DEPDC5: variants seen among roughly 807,000 people sequenced by gnomAD.
DEPDC5 encodes GATOR1 complex protein DEPDC5.
DEPDC5 carries 73 observed loss-of-function variants against 217.3 expected under a neutral mutation model. The observed-to-expected ratio is 0.34, with a 90% CI of 0.28 to 0.41. The LOEUF (loss-of-function observed/expected upper bound fraction) is 0.41. Ranked by LOEUF, DEPDC5 falls within the 10% of genes least tolerant of loss-of-function variation. The pLI, the probability that DEPDC5 is intolerant of heterozygous loss-of-function variation, is 1.00. For synonymous variants in DEPDC5, 733 were observed against 756.7 expected, an observed-to-expected ratio of 0.97 and a Z score of 0.51; for missense variants, 1,675 against 2,070.1, an observed-to-expected ratio of 0.81 and a Z score of 3.70.
intron 8 of DEPDC5, among the ~76,000 whole-genome samples, chr22:31,779,301 G>A (rs538146048): frequency 6.6e-6 from 1 of 152,136 alleles, no homozygotes; most frequent in Non-Finnish European, 1.5e-5. Context: ...ATGTTTGTGC[G>A]TGTGTGTATA....
chr22:31,844,341 C>T (rs1254571157), intron 29 of DEPDC5, among the ~76,000 whole-genome samples: 1 of 152,166 alleles, frequency 6.6e-6, no homozygotes, highest in South Asian at 2.1e-4. Context: ...CTACAGTGAG[C>T]CTTGATAGTG....
intron 18 of DEPDC5, among the ~76,000 whole-genome samples, chr22:31,809,364 T>C (rs949269943): frequency 4.6e-5 from 7 of 152,192 alleles, no homozygotes. Flanking sequence ...AAGTCCCTTA[T>C]TCTCTCTGCA....
chr22:31,866,898 A>G (rs2092704630), intron 33 of DEPDC5, among the ~76,000 whole-genome samples: 1 of 152,238 alleles, frequency 6.6e-6, no homozygotes, highest in African/African-American at 2.4e-5. Flanking sequence ...TGGCGACGAT[A>G]ATCTTCATCA....
chr22:31,894,621 G>C (rs1410011440), intron 39 of DEPDC5: 1 of 152,154 alleles, frequency 6.6e-6, no homozygotes, highest in Non-Finnish European at 1.5e-5. Context: ...GAGGCAGGCA[G>C]ATCACTCAAG....
intron 33 of DEPDC5, among the ~76,000 whole-genome samples, chr22:31,864,506 A>ATATATATATATATATATATT (rs2092621495): frequency 5.2e-5 from 7 of 135,350 alleles, no homozygotes; most frequent in African/African-American, 2.0e-4. Flanking sequence ...ATTAAAATAT[A>ATATATATATATATATATATT]TATATATATA....
intron 37 of DEPDC5, among the ~76,000 whole-genome samples, chr22:31,877,739 G>A (rs1442425947): frequency 9.6e-6 from 1 of 104,200 alleles, no homozygotes. Flanking sequence ...GACAGAGCGA[G>A]ACTCCATCTC....
intron 38 of DEPDC5, among the ~76,000 whole-genome samples, chr22:31,891,904 G>A (rs1432917140): frequency 1.3e-5 from 2 of 152,174 alleles, no homozygotes; most frequent in African/African-American, 2.4e-5. Context: ...TGATTGACAC[G>A]TCTCTGAAAC....
At chr22:31,829,242 A>G (rs1285217486) in intron 24 of DEPDC5, among the ~76,000 whole-genome samples, 1 of 152,186 alleles carries the variant, frequency 6.6e-6, no homozygotes, top group Non-Finnish European at 1.5e-5. Flanking sequence ...TCATTAAAAA[A>G]TCAGAGAAGA....
intron 15 of DEPDC5, 155 bp from the exon 16 acceptor site, chr22:31,804,007 A>G (rs938090412): frequency 3.1e-6 from 2 of 648,666 alleles, no homozygotes; most frequent in Non-Finnish European, 5.3e-6. Flanking sequence ...GAATGTATTT[A>G]CTTCTTTGTT....
chr22:31,872,118 T>A (rs1363852087), intron 34 of DEPDC5, among the ~76,000 whole-genome samples: 2 of 152,180 alleles, frequency 1.3e-5, no homozygotes, highest in South Asian at 2.1e-4. Flanking sequence ...AGCTTCTGGA[T>A]AAGCCCCACA....
rs542544782 is a variant in DEPDC5 at position 31,828,365 on chromosome 22, C to T, written c.2105-5550C>T. 2.2e-4 allele frequency among the ~76,000 whole-genome samples: 33 copies of T among 149,406 alleles called. No homozygotes were observed. The South Asian group carries it at 5.1e-3, about 23-fold the overall frequency. Reference sequence around the variant, plus strand: ...ACTTGGGAGGCTGAGGCAGGAGAATCGCTTTGAACCCGGGAGGCGGAGGTT... The same window carrying T: ...ACTTGGGAGGCTGAGGCAGGAGAATTGCTTTGAACCCGGGAGGCGGAGGTT... On this transcript the variant is annotated intron_variant, in intron 24 of 42. Coordinates refer to ENST00000651528, the MANE Select transcript of DEPDC5 (RefSeq NM_001242896.3).
intron 41 of DEPDC5, among the ~76,000 whole-genome samples, chr22:31,904,553 G>C (rs1452073302): frequency 6.6e-6 from 1 of 152,138 alleles, no homozygotes; most frequent in Non-Finnish European, 1.5e-5. Flanking sequence ...GACCAGCCTG[G>C]CCAAAATGGT....
At chr22:31,778,484 A>G (rs2084104709) in intron 8 of DEPDC5, among the ~76,000 whole-genome samples, 1 of 152,282 alleles carries the variant, frequency 6.6e-6, no homozygotes, top group Middle Eastern at 3.4e-3. Context: ...GCAAGACCCC[A>G]TCTCAAAAAC....
chr22:31,885,095 CT>C (rs929661858), intron 38 of DEPDC5, among the ~76,000 whole-genome samples: 1 of 152,186 alleles, frequency 6.6e-6, no homozygotes, highest in African/African-American at 2.4e-5. Context: ...TTATAAACTG[CT>C]TTGCACACAG....
Position 31,879,925 on chromosome 22 carries a change from G to A in DEPDC5, c.4033+173G>A, listed in dbSNP as rs916259652. 1.5e-5 allele frequency: 10 copies of A among 655,954 alleles called. No homozygotes were observed. The East Asian group carries it at 1.7e-4, about 11-fold the overall frequency. 40.6% of individuals were successfully genotyped at this position (655,954 alleles called of 1,614,324 possible). On this transcript the variant is annotated intron_variant, in intron 38 of 42. Coordinates refer to ENST00000651528, the MANE Select transcript of DEPDC5 (RefSeq NM_001242896.3). ...GCTCCGTTGCTGACTTCCACTTGCC[G>A]AGTGGTTTTATGACTGTCCCAACCA...
chr22:31,851,404 A>G (rs1336273449), intron 31 of DEPDC5, among the ~76,000 whole-genome samples: 1 of 152,170 alleles, frequency 6.6e-6, no homozygotes, highest in Non-Finnish European at 1.5e-5. Flanking sequence ...AGACTTGAGG[A>G]AGAGAAAACA....
At chr22:31,766,341 C>T (rs1483097637) in intron 5 of DEPDC5, among the ~76,000 whole-genome samples, 1 of 152,108 alleles carries the variant, frequency 6.6e-6, no homozygotes, top group Non-Finnish European at 1.5e-5. Context: ...CAGAATGAGT[C>T]CCCCACTACC....
chr22:31,855,854 T>G (rs1380842231), intron 31 of DEPDC5, among the ~76,000 whole-genome samples: 1 of 152,020 alleles, frequency 6.6e-6, no homozygotes, highest in Non-Finnish European at 1.5e-5. Flanking sequence ...GTGCAACAGG[T>G]TACTATGGAA....
chr22:31,824,723 G>A (rs1050341198), intron 24 of DEPDC5, among the ~76,000 whole-genome samples: 10 of 151,836 alleles, frequency 6.6e-5, no homozygotes, highest in Admixed American at 3.3e-4. Flanking sequence ...ATCCCAGCAC[G>A]TTGGGAGACC....
Sources: gnomAD v4.1 joint callset for allele counts (sites outside exome capture counted in the v4.1 genomes callset) on GRCh38, gnomAD v4.1.1 for gene constraint, MANE v1.5 for transcripts, NCBI Gene and HGNC (gene_info 2026-07-23, HGNC 2026-07-21) for gene names.